The following ABR variants were observed in gnomAD, a reference collection of about 807,000 sequenced individuals.
ABR encodes ABR activator of RhoGEF and GTPase.
In ABR, 35 loss-of-function variants were observed where a neutral mutation model predicts 107.2. The ratio of observed to expected loss-of-function variants is 0.33; its 90% CI spans 0.25 to 0.43. The LOEUF (loss-of-function observed/expected upper bound fraction) is 0.43, where lower values mean the gene tolerates loss of function less well. Among genes scored for constraint, ABR ranks in the 20% least tolerant of loss-of-function variants. The pLI is 1.00. For synonymous variants in ABR, 498 were observed against 462.0 expected, an observed-to-expected ratio of 1.08 and a Z score of -1.00; for missense variants, 815 against 1,115.2, an observed-to-expected ratio of 0.73 and a Z score of 3.83.
chr17:1,012,481 C>T (rs761197826), intron 18 of ABR: 27 of 699,336 alleles, frequency 3.9e-5, no homozygotes, highest in Admixed American at 1.0e-4. Flanking sequence ...GACCTTCCAG[C>T]GTTTAGGTGC....
intron 6 of ABR, 145 bp downstream of exon 6, chr17:1,079,185 A>T: frequency 6.8e-7 from 1 of 1,475,638 alleles, no homozygotes; most frequent in Non-Finnish European, 9.0e-7. Context: ...CTCAGCTCAC[A>T]CTCACACGCG....
upstream of ABR, among the ~76,000 whole-genome samples, chr17:1,180,049 C>CTT (rs5818785): frequency 2.6e-5 from 3 of 113,476 alleles, no homozygotes; most frequent in Admixed American, 1.8e-4. Context: ...GGGGGCGGGG[C>CTT]TTTGGTGCGG....
At chr17:1,035,361 C>A in intron 16 of ABR, among the ~76,000 whole-genome samples, 1 of 137,464 alleles carries the variant, frequency 7.3e-6, no homozygotes, top group Non-Finnish European at 1.6e-5. Context: ...CCCTTCCACC[C>A]CCTACACCTG....
chr17:1,162,433 G>A (rs1427837863), intron 1 of ABR, among the ~76,000 whole-genome samples: 1 of 152,180 alleles, frequency 6.6e-6, no homozygotes. Context: ...AGCAGGAGAT[G>A]AGAGGAAGAC....
At position 1,148,489 on chromosome 17, in the gene ABR, T is replaced by TGGACCGGCAC. The variant is rs1258198444; in HGVS notation, c.62-23132_62-23123dup. On this transcript the variant is annotated intron_variant, in intron 1 of 22. Coordinates refer to ENST00000302538, the MANE Select transcript of ABR (RefSeq NM_021962.5). The surrounding 1 kb of genome is among the most constrained non-coding windows in gnomAD (Gnocchi z 4.9). ...CAGGGGTCCCCAGCCCCCCCGGGCA[T>TGGACCGGCAC]GGACCGGCACCAGTCCGTGGCCTGT... Among the ~76,000 whole-genome samples, 2 of 152,190 alleles carry TGGACCGGCAC rather than the reference T, an allele frequency of 1.3e-5. No homozygotes were observed. The highest frequency in any genetic ancestry group is 4.8e-5 in the African/African-American group (2 of 41,444).
chr17:1,194,338 C>T (rs147446083), intron 1 of ABR, among the ~76,000 whole-genome samples: 456 of 151,788 alleles, frequency 3.0e-3, no homozygotes, highest in Middle Eastern at 0.01. Context: ...CAGGTACACG[C>T]CACCACGCCC....
At chr17:1,009,095 A>G (rs1339024294) in intron 21 of ABR, among the ~76,000 whole-genome samples, 1 of 152,154 alleles carries the variant, frequency 6.6e-6, no homozygotes, top group Non-Finnish European at 1.5e-5. Context: ...GCTGTAACAC[A>G]GTCCACACGT....
intron 1 of ABR, among the ~76,000 whole-genome samples, chr17:1,195,731 G>A (rs2042547125): frequency 3.3e-5 from 5 of 150,122 alleles, no homozygotes; most frequent in Admixed American, 6.6e-5. Context: ...GTGAACCCGG[G>A]AGGCAAAGGT....
chr17:1,021,943 G>A (rs1264104956), intron 16 of ABR, among the ~76,000 whole-genome samples: 4 of 151,140 alleles, frequency 2.6e-5, no homozygotes, highest in African/African-American at 4.9e-5. Flanking sequence ...CGGATCACTC[G>A]AGCTCAGGAG....
At chr17:1,105,899 T>C (rs2151373826) in intron 2 of ABR, among the ~76,000 whole-genome samples, 1 of 152,034 alleles carries the variant, frequency 6.6e-6, no homozygotes, top group Non-Finnish European at 1.5e-5. Flanking sequence ...GAATGATACC[T>C]AAAGGGTTAA....
At chr17:1,075,542 T>C (rs2035630400) in intron 6 of ABR, among the ~76,000 whole-genome samples, 1 of 152,122 alleles carries the variant, frequency 6.6e-6, no homozygotes, top group Admixed American at 6.6e-5. Context: ...CAGTCCGAGC[T>C]TGGCTGCCTG....
Position 1,157,016 on chromosome 17 carries a change from C to G in ABR, c.61+22651G>C, listed in dbSNP as rs528019901. Among the ~76,000 whole-genome samples, 3 of 152,330 alleles carry G rather than the reference C, an allele frequency of 2.0e-5. No individual in the cohort carries two copies. The South Asian group carries it at 6.2e-4, about 32-fold the overall frequency. On this transcript the variant is annotated intron_variant, in intron 1 of 22. Transcript: ENST00000302538. This position sits in a 1 kb window ranked among gnomAD's most constrained non-coding sequence, Gnocchi z 4.7. The stretch of plus-strand genomic sequence containing the variant: ...GACGCACAGGCAGGCTCAGTAATAA[C>G]AACAGTCCACACACACATACGATAA...
chr17:1,064,668 T>G (rs530801721), intron 10 of ABR, among the ~76,000 whole-genome samples: 1 of 122,944 alleles, frequency 8.1e-6, no homozygotes, highest in Admixed American at 8.5e-5. Flanking sequence ...CTAGACACTG[T>G]TGTTACGTGA....
chr17:1,152,251 C>A (rs1253204826), intron 1 of ABR, among the ~76,000 whole-genome samples: 2 of 149,508 alleles, frequency 1.3e-5, no homozygotes, highest in Non-Finnish European at 3.0e-5. Flanking sequence ...CCACTGCGCT[C>A]CAGCCTGGGC....
intron 1 of ABR, among the ~76,000 whole-genome samples, chr17:1,137,021 CTCTCTCTT>C (rs1567813064): frequency 7.9e-6 from 1 of 126,658 alleles, no homozygotes; most frequent in South Asian, 2.5e-4. Flanking sequence ...TTCTCTCTCT[CTCTCTCTT>C]TCTCTCTTCC....
Position 1,024,024 on chromosome 17 carries a change from C to CAAAAAAAAAAAAAAAAAAAA in ABR, c.1792-10880_1792-10861dup, listed in dbSNP as rs11334940. ...TGGGCGACAGAGCGAGACTCCATCT[C>CAAAAAAAAAAAAAAAAAAAA]AAAAAAAAAAAAAAAAAAAAAAAAA... On this transcript the variant is annotated intron_variant, in intron 16 of 22. Transcript: ENST00000302538. Among the ~76,000 whole-genome samples the CAAAAAAAAAAAAAAAAAAAA allele has an allele frequency of 5.9e-4, 28 of 47,680 alleles. 2 individuals carry two copies. Among genetic ancestry groups the CAAAAAAAAAAAAAAAAAAAA allele is most frequent in the Non-Finnish European group, 7.8e-4 (20 of 25,774 alleles). 31.3% of individuals were successfully genotyped at this position (47,680 alleles called of 152,430 possible). A position where few individuals can be genotyped will look rare whatever the true frequency, so the allele number is the denominator to read the frequency against.
chr17:1,060,593 C>T lies in ABR; in HGVS notation c.1183-1726G>A, dbSNP rs1413644302. Among the ~76,000 whole-genome samples, 6 of 152,176 alleles carry T rather than the reference C, an allele frequency of 3.9e-5. No homozygotes were observed. The South Asian group carries it at 8.3e-4, about 21-fold the overall frequency. ...ACTGTCAGCAGTGGGAGGTGAGTGG[C>T]GACCAGCTTTACCCTGTACATGCTG... On this transcript the variant is annotated intron_variant, in intron 10 of 22. Coordinates refer to ENST00000302538, the MANE Select transcript of ABR (RefSeq NM_021962.5).
chr17:1,133,995 C>A (rs2039952756), intron 1 of ABR, among the ~76,000 whole-genome samples: 1 of 152,192 alleles, frequency 6.6e-6, no homozygotes, highest in Non-Finnish European at 1.5e-5. Flanking sequence ...CAAGAAAGAA[C>A]AGAGGCCGGG....
At position 1,084,264 on chromosome 17, in the gene ABR, G is replaced by C. The variant is rs2036451623; in HGVS notation, c.532-637C>G. Among the ~76,000 whole-genome samples the C allele has an allele frequency of 6.6e-6, 1 of 152,206 alleles. No homozygotes were observed. Among genetic ancestry groups the C allele is most frequent in the South Asian group, 2.1e-4 (1 of 4,834 alleles). Reference sequence around the variant, plus strand: ...TGGTGGCGCGTGCCTGTAATCCCAGGTACTCAGGAGAATGAGGCAGGAGAA... The same window carrying C: ...TGGTGGCGCGTGCCTGTAATCCCAGCTACTCAGGAGAATGAGGCAGGAGAA... On this transcript the variant is annotated intron_variant, in intron 4 of 22. Transcript: ENST00000302538. This position sits in a 1 kb window ranked among gnomAD's most constrained non-coding sequence, Gnocchi z 4.2.
Sources: allele counts gnomAD v4.1 joint callset (sites outside exome capture counted in the v4.1 genomes callset), GRCh38; gene constraint gnomAD v4.1.1; non-coding constraint Gnocchi (gnomAD v3.1); transcripts MANE v1.5; gene names NCBI Gene and HGNC (gene_info 2026-07-23, HGNC 2026-07-21).